HOOK3: variants seen among roughly 807,000 people sequenced by gnomAD.
HOOK3 encodes the protein hook microtubule tethering protein 3, also known as protein Hook homolog 3.
In HOOK3, 24 loss-of-function variants were observed where a neutral mutation model predicts 116.3. The ratio of observed to expected loss-of-function variants is 0.21; its 90% CI spans 0.15 to 0.29. The LOEUF (loss-of-function observed/expected upper bound fraction) is 0.29, where lower values mean the gene tolerates loss of function less well. Among genes scored for constraint, HOOK3 ranks in the 10% least tolerant of loss-of-function variants. The pLI is 1.00. For synonymous variants in HOOK3, 275 were observed against 283.0 expected (o/e 0.97, Z 0.28); for missense variants, 632 against 830.2 (o/e 0.76, Z 2.93).
chr8:42,989,788 G>C (rs535921064), intron 15 of HOOK3, among the ~76,000 whole-genome samples: 100 of 152,126 alleles, frequency 6.6e-4, no homozygotes, highest in African/African-American at 2.3e-3. Context: ...CAAGCTCCAT[G>C]AGTTTAATTT....
At chr8:42,991,041 A>G (rs926534898) in intron 15 of HOOK3, among the ~76,000 whole-genome samples, 17 of 152,248 alleles carry the variant, frequency 1.1e-4, no homozygotes, top group Admixed American at 9.8e-4. Flanking sequence ...CTTTTATCAA[A>G]GAGACTGCCC....
At chr8:42,943,642 TG>T (rs1808170515) in intron 5 of HOOK3, among the ~76,000 whole-genome samples, 197 bp downstream of exon 5, 1 of 152,226 alleles carries the variant, frequency 6.6e-6, no homozygotes, top group Non-Finnish European at 1.5e-5. Context: ...TAAATTTGAC[TG>T]GGGTGATATT....
At chr8:43,007,976 C>A in intron 18 of HOOK3, 47 bp downstream of exon 18, 1 of 913,098 alleles carries the variant, frequency 1.1e-6, no homozygotes, top group Non-Finnish European at 1.8e-6. Context: ...TTGCTGTATA[C>A]TGCCATAGTG....
chr8:42,991,232 T>C (rs34864660), intron 15 of HOOK3, among the ~76,000 whole-genome samples: 19,742 of 152,092 alleles, frequency 0.13, 1,761 homozygotes, highest in African/African-American at 0.25. Context: ...ATGATTCCTC[T>C]AGTTTTGTTC....
intron 15 of HOOK3, among the ~76,000 whole-genome samples, chr8:42,996,385 C>CAAAAAAAAAAAA (rs529268164): frequency 1.4e-4 from 8 of 55,710 alleles, no homozygotes; most frequent in Admixed American, 2.1e-4. Flanking sequence ...GACTCCGTCT[C>CAAAAAAAAAAAA]AAAAAAAAAA....
intron 1 of HOOK3, among the ~76,000 whole-genome samples, chr8:42,903,684 G>C (rs1394544177): frequency 6.6e-6 from 1 of 151,532 alleles, no homozygotes; most frequent in Non-Finnish European, 1.5e-5. Context: ...GGTCGGGCGT[G>C]GTGGCTCAAA....
intron 15 of HOOK3, among the ~76,000 whole-genome samples, chr8:42,995,422 C>T (rs762853829): frequency 6.6e-6 from 1 of 152,122 alleles, no homozygotes. Context: ...TTCAGTTCCC[C>T]CTTCTTCAAA....
chr8:42,942,764 G>C (rs1361258324), intron 4 of HOOK3, among the ~76,000 whole-genome samples: 2 of 152,192 alleles, frequency 1.3e-5, no homozygotes, highest in Non-Finnish European at 2.9e-5. Flanking sequence ...TGCTTTTTGA[G>C]TGGTACATTT....
chr8:42,979,629 C>T (rs188904559), intron 13 of HOOK3, among the ~76,000 whole-genome samples: 4 of 152,152 alleles, frequency 2.6e-5, no homozygotes, highest in Non-Finnish European at 5.9e-5. Context: ...TCCTAGCCCT[C>T]TCTCTGTTTT....
intron 5 of HOOK3, among the ~76,000 whole-genome samples, chr8:42,948,942 A>G (rs1433992938): frequency 1.3e-5 from 2 of 152,260 alleles, no homozygotes; most frequent in Admixed American, 6.5e-5. Flanking sequence ...CCTTAGGGCA[A>G]TACTTCCTTA....
At chr8:42,986,293 A>T (rs1195908104) in intron 14 of HOOK3, among the ~76,000 whole-genome samples, 3 of 151,824 alleles carry the variant, frequency 2.0e-5, no homozygotes, top group Non-Finnish European at 4.4e-5. Context: ...CCACCAAATG[A>T]TTGATAATTT....
Position 43,028,997 on chromosome 8 carries a change from G to GT in HOOK3, c.*10500dup, listed in dbSNP as rs1252014134. 5.0e-6 allele frequency: 1 copy of GT among 198,540 alleles called. No homozygotes were observed. The highest frequency in any genetic ancestry group is 2.3e-5 in the African/African-American group (1 of 43,342). The allele number at this position is 198,540 out of a possible 1,614,324, so 12.3% of individuals were successfully genotyped here. ...ATTATCTTCTTGGTGACCTACTTTA[G>GT]TATGTGTTCTGTAGCGATTCATATT... On this transcript the variant is annotated 3_prime_UTR_variant, in exon 22 of 22. Transcript: ENST00000307602.
intron 21 of HOOK3, among the ~76,000 whole-genome samples, chr8:43,013,709 A>G (rs553703930): frequency 2.6e-5 from 4 of 152,292 alleles, no homozygotes; most frequent in African/African-American, 4.8e-5. Flanking sequence ...CACAGATGCA[A>G]TAGTTTTTGT....
chr8:42,964,919 C>G (rs1293639818), intron 9 of HOOK3, among the ~76,000 whole-genome samples: 5 of 152,222 alleles, frequency 3.3e-5, no homozygotes, highest in African/African-American at 1.2e-4. Context: ...AATCTCCTCA[C>G]ACAACATGAA....
rs947041125 is a variant in HOOK3, at chr8:42,988,619, A to G, written c.1532+1824A>G. 3.3e-5 allele frequency among the ~76,000 whole-genome samples: 5 copies of G among 152,326 alleles called. No individual in the cohort carries two copies. The South Asian group carries it at 8.3e-4, about 25-fold the overall frequency. ...TGAATAACTTAGATTATGGCTGCCT[A>G]TGATCTATAACGATAATAACAGGTA... On this transcript the variant is annotated intron_variant, in intron 15 of 21. Coordinates refer to ENST00000307602, the MANE Select transcript of HOOK3 (RefSeq NM_032410.4).
rs1163758110 is a variant in HOOK3, at chr8:42,906,232, T to G, written c.117T>G (p.Val39=). ...CCGTGGAAGATTTAACGAATGGGGTTGTGATGGCCCAGGTTCTTCAAAAGA... is the reference window on the plus strand; with the variant it reads ...CCGTGGAAGATTTAACGAATGGGGTGGTGATGGCCCAGGTTCTTCAAAAGA... ...CQTVEDLTNG[V]VMAQVLQKID... The change falls in exon 2 of 22, where the codon GTT becomes GTG. Residue 39 remains valine, a synonymous_variant. Transcript: ENST00000307602. 6.6e-7 allele frequency: 1 copy of G among 1,525,044 alleles called. No homozygotes were observed. Among genetic ancestry groups the G allele is most frequent in the African/African-American group, 1.4e-5 (1 of 70,834 alleles). The allele number at this position is 1,525,044 out of a possible 1,614,324, so 94.5% of individuals were successfully genotyped here.
intron 2 of HOOK3, among the ~76,000 whole-genome samples, chr8:42,923,324 A>G (rs945859068): frequency 6.6e-6 from 1 of 152,236 alleles, no homozygotes; most frequent in Admixed American, 6.5e-5. Context: ...CCCTAGGCAT[A>G]TACCCAAATG....
At chr8:42,943,496 T>G in intron 5 of HOOK3, 51 bp downstream of exon 5, 2 of 1,192,466 alleles carry the variant, frequency 1.7e-6, no homozygotes, top group Non-Finnish European at 1.1e-6. Context: ...AGGAAAGTAG[T>G]GTATATTTTA....
rs777225680 is a variant in HOOK3, at chr8:43,020,312, C to T, written c.*1814C>T. The T allele has an allele frequency of 2.0e-5, 4 of 199,590 alleles. No individual in the cohort carries two copies. Among genetic ancestry groups the T allele is most frequent in the East Asian group, 7.8e-5 (1 of 12,886 alleles). The allele number at this position is 199,590 out of a possible 1,614,324, so 12.4% of individuals were successfully genotyped here. On this transcript the variant is annotated 3_prime_UTR_variant, in exon 22 of 22. Transcript: ENST00000307602. ...ACTGCTGTAGGGCTTCAGGAGGCTACGCAGACCTGATCAACTGCAAAGTTT... is the reference window on the plus strand; with the variant it reads ...ACTGCTGTAGGGCTTCAGGAGGCTATGCAGACCTGATCAACTGCAAAGTTT...
Sources: gnomAD v4.1 joint callset for allele counts (sites outside exome capture counted in the v4.1 genomes callset) on GRCh38, gnomAD v4.1.1 for gene constraint, MANE v1.5 for transcripts, NCBI Gene and HGNC (gene_info 2026-07-23, HGNC 2026-07-21) for gene names.